The following NAA25 variants were observed in gnomAD, a reference collection of about 807,000 sequenced individuals.
NAA25 encodes the protein N-terminal acetyltransferase B complex subunit NAA25.
Under a neutral mutation model 132.5 loss-of-function variants are expected in NAA25, and 30 were observed. The ratio of observed to expected loss-of-function variants is 0.23; its 90% confidence interval spans 0.17 to 0.31. NAA25 has a LOEUF of 0.31. NAA25 is among the 10% of genes least tolerant of loss of function. The pLI is 1.00. For missense variants in NAA25, 771 were observed against 1,150.4 expected, an observed-to-expected ratio of 0.67 and a Z score of 4.77; for synonymous variants, 359 against 401.9, an observed-to-expected ratio of 0.89 and a Z score of 1.28.
Position 112,061,209 on chromosome 12 carries a change from C to T in NAA25, c.1329G>A (p.Met443Ile). ...NQKLSVVRELMLRYQHGLEFG... is the reference protein window; with the variant it reads ...NQKLSVVRELILRYQHGLEFG... Reference sequence around the variant, plus strand: ...ATTCCAGTCCATGCTGGTACCTTAACATCAATTCTCTGACCACACTCAATT... The same window carrying T: ...ATTCCAGTCCATGCTGGTACCTTAATATCAATTCTCTGACCACACTCAATT... The change falls in exon 12 of 24, where the codon ATG becomes ATA. Residue 443 changes from methionine to isoleucine, a missense_variant. Physicochemically the swap from Met to Ile is conservative, Grantham distance 10. Coordinates refer to ENST00000261745, the MANE Select transcript of NAA25 (RefSeq NM_024953.4). 2 of 1,613,840 alleles carry T rather than the reference C, an allele frequency of 1.2e-6. No individual in the cohort carries two copies. The highest frequency in any genetic ancestry group is 1.7e-6 in the Non-Finnish European group (2 of 1,179,996).
rs1242210892 is a variant in NAA25 at position 112,047,780 on chromosome 12, A to C, written c.1891T>G (p.Leu631Val). ...LLLEANISTSLAESIKSMNLR... is the reference protein window; with the variant it reads ...LLLEANISTSVAESIKSMNLR... ...TTCATTGACTTTATACTTTCTGCTAAACTGGTTGATCTGTGATAGAGAAAA... is the reference window on the plus strand; with the variant it reads ...TTCATTGACTTTATACTTTCTGCTACACTGGTTGATCTGTGATAGAGAAAA... The change falls in exon 17 of 24, where the codon TTA becomes GTA. Residue 631 changes from leucine (L) to valine (V), a missense_variant. Coordinates refer to ENST00000261745, the MANE Select transcript of NAA25 (RefSeq NM_024953.4). 1 of 1,607,104 alleles carries C rather than the reference A, an allele frequency of 6.2e-7. No homozygotes were observed. The highest frequency in any genetic ancestry group is 8.5e-7 in the Non-Finnish European group (1 of 1,178,106).
rs950024101 is a variant in NAA25, at chr12:112,027,325, A to ATATATT, written c.*2205_*2206insAATATA. 1 of 149,518 alleles carries ATATATT rather than the reference A, an allele frequency of 6.7e-6. No homozygotes were observed. Among genetic ancestry groups the ATATATT allele is most frequent in the African/African-American group, 2.5e-5 (1 of 39,580 alleles). The allele number at this position is 149,518 out of a possible 1,614,324, so 9.3% of individuals were successfully genotyped here. ...CATGTAAGAATATATATATATATAT[A>ATATATT]TTTTTTTAACTGTACACAATTTATA... On this transcript the variant is annotated 3_prime_UTR_variant, in exon 24 of 24. Transcript: ENST00000261745.
At chr12:112,070,138 A>G (rs1282229406) in intron 10 of NAA25, among the ~76,000 whole-genome samples, 1 of 152,160 alleles carries the variant, frequency 6.6e-6, no homozygotes, top group Non-Finnish European at 1.5e-5. Context: ...AAAAATAATA[A>G]TAATAAAATA....
chr12:112,084,973 TGTAATCCCAGCACTTTGGGAGGC>T (rs2079024404), intron 4 of NAA25, among the ~76,000 whole-genome samples: 1 of 152,148 alleles, frequency 6.6e-6, no homozygotes, highest in Non-Finnish European at 1.5e-5. Context: ...GGCTCACGCC[TGTAATCCCAGCACTTTGGGAGGC>T]TGAGGCAGGT....
At chr12:112,108,657 C>T (rs2079402330) in intron 1 of NAA25, 59 bp downstream of exon 1, 3 of 1,394,934 alleles carry the variant, frequency 2.2e-6, no homozygotes, top group Admixed American at 2.8e-5. Flanking sequence ...GGCTTTCGCC[C>T]CAGCCTCGGC....
At chr12:112,075,986 G>A (rs1158579692) in intron 7 of NAA25, among the ~76,000 whole-genome samples, 197 bp from the exon 8 acceptor site, 4 of 152,098 alleles carry the variant, frequency 2.6e-5, no homozygotes, top group Admixed American at 6.6e-5. Context: ...GGATTCAAGC[G>A]ATTCTCCTGT....
chr12:112,101,112 A>C (rs1259935754), intron 1 of NAA25, among the ~76,000 whole-genome samples: 1 of 152,034 alleles, frequency 6.6e-6, no homozygotes. Flanking sequence ...CTCTTTGCCT[A>C]ACCCTGGTTC....
chr12:112,028,069 A>C lies in NAA25; in HGVS notation c.*1462T>G, dbSNP rs1477297938. On this transcript the variant is annotated 3_prime_UTR_variant, in exon 24 of 24. Transcript: ENST00000261745. ...TATGAATCTAAGAAAGTCAAAATGA[A>C]GGGACAAAATGCAATTACTTTGCGT... is the stretch of plus-strand genomic sequence containing the variant. 1.3e-5 allele frequency: 2 copies of C among 152,222 alleles called. No homozygotes were observed. Among genetic ancestry groups the C allele is most frequent in the African/African-American group, 4.8e-5 (2 of 41,450 alleles). The allele number at this position is 152,222 out of a possible 1,614,324, so 9.4% of individuals were successfully genotyped here.
intron 22 of NAA25, chr12:112,035,033 T>C (rs1297291259): frequency 6.6e-6 from 1 of 152,124 alleles, no homozygotes; most frequent in Non-Finnish European, 1.5e-5. Flanking sequence ...GATACCCTGT[T>C]ATATGAAAAC....
intron 14 of NAA25, 101 bp from the exon 15 acceptor site, chr12:112,053,758 C>A: frequency 1.5e-6 from 1 of 666,926 alleles, no homozygotes; most frequent in Non-Finnish European, 2.5e-6. Flanking sequence ...AAAAAAATAG[C>A]TAGGCATAAG....
At chr12:112,060,142 T>C in intron 13 of NAA25, 128 bp downstream of exon 13, 1 of 668,260 alleles carries the variant, frequency 1.5e-6, no homozygotes, top group Admixed American at 3.0e-5. Context: ...CCTAGAAATA[T>C]CAAGAAAAGC....
At chr12:112,079,942 TAC>T (rs2078946241) in intron 5 of NAA25, among the ~76,000 whole-genome samples, 1 of 152,048 alleles carries the variant, frequency 6.6e-6, no homozygotes. Flanking sequence ...TCAGGGGAAA[TAC>T]AGTCCATGCT....
chr12:112,084,350 TCAAA>T (rs1024553794), intron 4 of NAA25, among the ~76,000 whole-genome samples: 4 of 152,152 alleles, frequency 2.6e-5, no homozygotes, highest in African/African-American at 9.7e-5. Context: ...AATGAACAAA[TCAAA>T]CAAAAACCTT....
Position 112,078,331 on chromosome 12 carries a change from A to G in NAA25, c.586-65T>C, listed in dbSNP as rs2136902204. 13 of 1,230,498 alleles carry G rather than the reference A, an allele frequency of 1.1e-5. No individual in the cohort carries two copies. In the South Asian group the frequency reaches 1.4e-4, roughly 14 times the overall value. 76.2% of individuals were successfully genotyped at this position (1,230,498 alleles called of 1,614,324 possible). A position where few individuals can be genotyped will look rare whatever the true frequency, so the allele number is the denominator to read the frequency against. On this transcript the variant is annotated intron_variant, in intron 6 of 23. Coordinates refer to ENST00000261745, the MANE Select transcript of NAA25 (RefSeq NM_024953.4). ...TTCAATAATAAAAAGACAGTCATTT[A>G]TAGGTTTTTAAAAAGTTATTTAATA...
chr12:112,053,432 C>A, intron 15 of NAA25, 126 bp downstream of exon 15: 1 of 698,946 alleles, frequency 1.4e-6, no homozygotes, highest in South Asian at 1.8e-5. Flanking sequence ...AAGCTTTGGT[C>A]TAAGGGCACT....
chr12:112,083,442 T>G (rs1217737832), intron 4 of NAA25, among the ~76,000 whole-genome samples: 1 of 151,068 alleles, frequency 6.6e-6, no homozygotes, highest in African/African-American at 2.4e-5. Flanking sequence ...GAGGTGGAGG[T>G]TGCAGTGGGC....
intron 1 of NAA25, chr12:112,097,470 G>C (rs1245039544): frequency 6.6e-6 from 1 of 152,218 alleles, no homozygotes; most frequent in Non-Finnish European, 1.5e-5. Flanking sequence ...AGCCGGGCGT[G>C]GTGGCGGGCG....
At chr12:112,037,610 T>C (rs1309115635) in intron 22 of NAA25, 1 of 137,124 alleles carries the variant, frequency 7.3e-6, no homozygotes, top group African/African-American at 2.7e-5. Context: ...ATGTCCTTAA[T>C]CATATATGAA....
intron 3 of NAA25, 116 bp downstream of exon 3, chr12:112,090,610 A>T: frequency 1.9e-6 from 2 of 1,027,392 alleles, no homozygotes; most frequent in Non-Finnish European, 2.8e-6. Flanking sequence ...CTAATGCGTT[A>T]TTCTACCTAC....
Sources: allele counts gnomAD v4.1 joint callset (sites outside exome capture counted in the v4.1 genomes callset), GRCh38; gene constraint gnomAD v4.1.1; transcripts MANE v1.5; gene names NCBI Gene and HGNC (gene_info 2026-07-23, HGNC 2026-07-21).